SHLD1: variants seen among roughly 807,000 people sequenced by gnomAD.
The protein encoded by SHLD1 is shieldin complex subunit 1, also known as RINN1-REV7-interacting novel NHEJ regulator 3.
Under a neutral mutation model 5.5 loss-of-function variants are expected in SHLD1, and 3 were observed. The observed-to-expected ratio is 0.54, with a 90% CI of 0.25 to 1.40. The LOEUF is 1.40. Among genes scored for constraint, SHLD1 ranks in the 40% most tolerant of loss-of-function variants. The pLI, the probability that SHLD1 is intolerant of heterozygous loss-of-function variation, is 0.15. For missense variants in SHLD1, 210 were observed against 244.4 expected, an observed-to-expected ratio of 0.86 and a Z score of 0.94; for synonymous variants, 92 against 94.3, an observed-to-expected ratio of 0.98 and a Z score of 0.14.
intron 1 of SHLD1, among the ~76,000 whole-genome samples, chr20:5,768,132 G>A (rs1984948156): frequency 1.3e-5 from 2 of 151,988 alleles, no homozygotes; most frequent in Non-Finnish European, 1.5e-5. Flanking sequence ...GTGCCACCAT[G>A]CCCAGCTAAT....
intron 2 of SHLD1, among the ~76,000 whole-genome samples, chr20:5,849,453 C>T (rs1342907926): frequency 6.6e-6 from 1 of 152,168 alleles, no homozygotes; most frequent in Non-Finnish European, 1.5e-5. Context: ...CTGTAGACAC[C>T]TTATTGTTTA....
chr20:5,844,158 C>T (rs1158368310), intron 2 of SHLD1, among the ~76,000 whole-genome samples: 1 of 152,208 alleles, frequency 6.6e-6, no homozygotes, highest in African/African-American at 2.4e-5. Flanking sequence ...TAACTGATCT[C>T]ATGGTGTTTC....
intron 2 of SHLD1, among the ~76,000 whole-genome samples, chr20:5,803,426 C>T (rs1167896922): frequency 3.9e-5 from 6 of 152,160 alleles, no homozygotes; most frequent in Non-Finnish European, 8.8e-5. Context: ...GTCTCAGCCT[C>T]CCAAAGCATT....
At chr20:5,848,049 A>G (rs1257283101) in intron 2 of SHLD1, among the ~76,000 whole-genome samples, 2 of 152,224 alleles carry the variant, frequency 1.3e-5, no homozygotes, top group East Asian at 1.9e-4. Context: ...TTAGAATACT[A>G]TAGAGCAGTT....
intron 2 of SHLD1, among the ~76,000 whole-genome samples, chr20:5,853,447 A>AAAAT (rs1205337644): frequency 4.6e-5 from 7 of 152,182 alleles, no homozygotes; most frequent in East Asian, 1.9e-4. Flanking sequence ...CTCCATCTCA[A>AAAAT]AAATAAATAA....
intron 1 of SHLD1, among the ~76,000 whole-genome samples, chr20:5,767,115 C>T (rs1206096854): frequency 7.3e-6 from 1 of 137,694 alleles, no homozygotes; most frequent in African/African-American, 2.6e-5. Context: ...CACATTTCTC[C>T]ATTCACATTT....
chr20:5,816,089 G>GAAAAAAAAAAAAAAAA (rs141881349), intron 2 of SHLD1, among the ~76,000 whole-genome samples: 250 of 84,748 alleles, frequency 2.9e-3, no homozygotes, highest in Middle Eastern at 7.7e-3. Context: ...TCAAAAAAAC[G>GAAAAAAAAAAAAAAAA]AAAAAAAAAA....
intron 1 of SHLD1, chr20:5,772,318 C>T (rs1600105936): frequency 5.6e-6 from 2 of 358,286 alleles, no homozygotes; most frequent in Non-Finnish European, 1.1e-5. Context: ...GATACCACAA[C>T]AGTCCATCTG....
intron 2 of SHLD1, among the ~76,000 whole-genome samples, chr20:5,774,798 A>G (rs973601863): frequency 1.3e-5 from 2 of 152,220 alleles, no homozygotes; most frequent in African/African-American, 4.8e-5. Flanking sequence ...ACAATTCCAC[A>G]TGACATTTCG....
At chr20:5,774,028 AC>A (rs1458872852) in intron 2 of SHLD1, among the ~76,000 whole-genome samples, 1 of 152,074 alleles carries the variant, frequency 6.6e-6, no homozygotes, top group Non-Finnish European at 1.5e-5. Flanking sequence ...ACATGGTGAA[AC>A]CCTGTCTCTA....
chr20:5,856,549 G>GT (rs1253763288), intron 2 of SHLD1, among the ~76,000 whole-genome samples: 1 of 152,196 alleles, frequency 6.6e-6, no homozygotes, highest in Non-Finnish European at 1.5e-5. Flanking sequence ...ATGGCCCATG[G>GT]CCCCTCATAT....
chr20:5,821,340 C>G (rs569052171), intron 2 of SHLD1, among the ~76,000 whole-genome samples: 1 of 152,050 alleles, frequency 6.6e-6, no homozygotes, highest in Admixed American at 6.6e-5. Flanking sequence ...TGGTGAAACC[C>G]CGTTTCTACT....
intron 1 of SHLD1, chr20:5,772,314 A>G (rs1454484893): frequency 5.5e-6 from 2 of 361,032 alleles, no homozygotes; most frequent in Admixed American, 3.2e-5. Context: ...CTGTGATACC[A>G]CAACAGTCCA....
chr20:5,847,729 A>G (rs1287071), intron 2 of SHLD1, among the ~76,000 whole-genome samples: 60,852 of 152,112 alleles, frequency 0.4, 14,322 homozygotes, highest in African/African-American at 0.66. Context: ...GTGTCTGACA[A>G]TATCAGAATT....
intron 2 of SHLD1, among the ~76,000 whole-genome samples, chr20:5,813,376 G>A (rs903317841): frequency 2.6e-5 from 4 of 152,168 alleles, no homozygotes; most frequent in Admixed American, 2.6e-4. Flanking sequence ...TGTAGTCCCA[G>A]CTACTTGGGA....
At chr20:5,808,248 C>CCAGCCTGGGTGACA (rs2087409462) in intron 2 of SHLD1, among the ~76,000 whole-genome samples, 1 of 7,264 alleles carries the variant, frequency 1.4e-4, no homozygotes, top group African/African-American at 5.1e-4. Context: ...CCACTGCACT[C>CCAGCCTGGGTGACA]CAGCAAGACT....
chr20:5,828,772 G>T (rs559063080), intron 2 of SHLD1, among the ~76,000 whole-genome samples: 1 of 152,234 alleles, frequency 6.6e-6, no homozygotes, highest in South Asian at 2.1e-4. Context: ...TTGAAGATGT[G>T]TAATAGGCAT....
chr20:5,765,706 C>G (rs1219075091), intron 1 of SHLD1, among the ~76,000 whole-genome samples: 1 of 146,272 alleles, frequency 6.8e-6, no homozygotes, highest in African/African-American at 2.5e-5. Flanking sequence ...GCCTCCACTT[C>G]TGGTTTTTTA....
chr20:5,857,475 T>G (rs1023228846), intron 2 of SHLD1, among the ~76,000 whole-genome samples: 2 of 152,004 alleles, frequency 1.3e-5, no homozygotes, highest in African/African-American at 2.4e-5. Flanking sequence ...AGCCACATAC[T>G]CCTTCTTTCC....
Sources: gnomAD v4.1 joint callset for allele counts (sites outside exome capture counted in the v4.1 genomes callset) on GRCh38, gnomAD v4.1.1 for gene constraint, MANE v1.5 for transcripts, NCBI Gene and HGNC (gene_info 2026-07-23, HGNC 2026-07-21) for gene names.